The following PIK3R6 variants were observed in gnomAD, a reference collection of about 807,000 sequenced individuals.
The protein encoded by PIK3R6 is phosphoinositide 3-kinase regulatory subunit 6.
PIK3R6 carries 91 observed loss-of-function variants against 84.9 expected under a neutral mutation model. The ratio of observed to expected loss-of-function variants is 1.07; its 90% CI spans 0.90 to 1.28. The LOEUF (loss-of-function observed/expected upper bound fraction) is 1.28, where lower values mean the gene tolerates loss of function less well. PIK3R6 is among the 50% of genes most tolerant of loss of function. The pLI is 0.00. For synonymous variants in PIK3R6, 416 were observed against 411.4 expected, an observed-to-expected ratio of 1.01 and a Z score of -0.13; for missense variants, 996 against 985.1, an observed-to-expected ratio of 1.01 and a Z score of -0.15.
intron 11 of PIK3R6, 69 bp from the exon 12 acceptor site, chr17:8,828,259 A>T: frequency 1.3e-6 from 2 of 1,492,108 alleles, no homozygotes; most frequent in South Asian, 2.3e-5. Flanking sequence ...CGGCTCTGCT[A>T]TTTGTTATCT....
chr17:8,840,615 G>GTATATCCTCCAAATATATATGAAATATA (rs1404176764), intron 2 of PIK3R6, among the ~76,000 whole-genome samples: 10 of 145,678 alleles, frequency 6.9e-5, no homozygotes, highest in African/African-American at 2.3e-4. Context: ...TATATGAAAT[G>GTATATCCTCCAAATATATATGAAATATA]TATATCCTCC....
rs186154970 is a variant in PIK3R6, at chr17:8,864,124, C to A, written c.-92+3405G>T. On this transcript the variant is annotated intron_variant, in intron 1 of 19. Coordinates refer to ENST00000619866, the MANE Select transcript of PIK3R6 (RefSeq NM_001010855.4). ...CATCTTTTCAAATACGTTTGTATAG[C>A]AAACAGCCTTGGAAGATACTGTCCA... Among the ~76,000 whole-genome samples, 5 of 152,306 alleles carry A rather than the reference C, an allele frequency of 3.3e-5. No homozygotes were observed. The East Asian group carries it at 9.6e-4, about 29-fold the overall frequency.
In PIK3R6 at chr17:8,828,803, A is replaced by G; in HGVS notation, c.1077T>C (p.Pro359=). ...GCTGCAGCCCGGCTCGCTCCATCTC[A>G]GGGCTGCCGGGTGCAGGCAGCTCAT... ...GADELPAPGS[P]EMERAGLQRK... The change falls in exon 11 of 20, where the codon CCT becomes CCC. Residue 359 remains proline, a synonymous_variant. Transcript: ENST00000619866. 1 of 1,587,984 alleles carries G rather than the reference A, an allele frequency of 6.3e-7. No individual in the cohort carries two copies. Among genetic ancestry groups the G allele is most frequent in the Non-Finnish European group, 8.6e-7 (1 of 1,165,052 alleles).
chr17:8,822,816 G>T (rs1403193386), intron 15 of PIK3R6, among the ~76,000 whole-genome samples, 159 bp from the exon 16 acceptor site: 1 of 151,478 alleles, frequency 6.6e-6, no homozygotes. Context: ...ATGCCTTTCA[G>T]TCTTGTGGGG....
At chr17:8,856,182 A>T (rs71371874) in intron 1 of PIK3R6, among the ~76,000 whole-genome samples, 1 of 152,074 alleles carries the variant, frequency 6.6e-6, no homozygotes, top group African/African-American at 2.4e-5. Flanking sequence ...TTTTTTAGTC[A>T]AACTTTTAAT....
At chr17:8,832,375 C>CATTTTTT (rs2088270986) in intron 9 of PIK3R6, among the ~76,000 whole-genome samples, 1 of 77,796 alleles carries the variant, frequency 1.3e-5, no homozygotes, top group Admixed American at 1.8e-4. Flanking sequence ...TACCCACCTT[C>CATTTTTT]TTTTTTTTTT....
At chr17:8,814,924 GAGA>G (rs1329645374) in intron 18 of PIK3R6, among the ~76,000 whole-genome samples, 1 of 151,284 alleles carries the variant, frequency 6.6e-6, no homozygotes, top group African/African-American at 2.4e-5. Flanking sequence ...CAAAGAGAGA[GAGA>G]AAAGAAAAAA....
At chr17:8,863,778 C>T (rs2089337765) in intron 1 of PIK3R6, among the ~76,000 whole-genome samples, 1 of 152,202 alleles carries the variant, frequency 6.6e-6, no homozygotes, top group Non-Finnish European at 1.5e-5. Context: ...CGTGATCCAC[C>T]CGCCTCGGCC....
intron 18 of PIK3R6, among the ~76,000 whole-genome samples, chr17:8,812,361 A>G (rs1393762138): frequency 1.3e-5 from 2 of 152,254 alleles, no homozygotes; most frequent in Non-Finnish European, 2.9e-5. Flanking sequence ...CAGAAAATCA[A>G]CAAAGAAACT....
At chr17:8,865,128 G>A (rs1292273293) in intron 1 of PIK3R6, among the ~76,000 whole-genome samples, 1 of 152,152 alleles carries the variant, frequency 6.6e-6, no homozygotes, top group Non-Finnish European at 1.5e-5. Flanking sequence ...TGACCTCCTG[G>A]ATAGAGGAGA....
At chr17:8,866,838 G>A (rs544926908) in intron 1 of PIK3R6, among the ~76,000 whole-genome samples, 3 of 152,068 alleles carry the variant, frequency 2.0e-5, no homozygotes, top group Non-Finnish European at 4.4e-5. Context: ...TTGGTCACTC[G>A]CAGCTGTGTT....
intron 13 of PIK3R6, among the ~76,000 whole-genome samples, chr17:8,825,700 A>C (rs1018977386): frequency 1.3e-5 from 2 of 152,238 alleles, no homozygotes; most frequent in Non-Finnish European, 2.9e-5. Flanking sequence ...TTAACTGCAG[A>C]TAGACAATTA....
Position 8,842,524 on chromosome 17 carries a change from A to T in PIK3R6, c.14-2827T>A, listed in dbSNP as rs2088709741. Among the ~76,000 whole-genome samples the T allele has an allele frequency of 6.6e-6, 1 of 152,190 alleles. No individual in the cohort carries two copies. ...CTGTCACACAAGTGTTTCCCCAAAT[A>T]AATCCTTGAACTTGGTGTCTGCTTC... On this transcript the variant is annotated intron_variant, in intron 2 of 19. Transcript: ENST00000619866. The surrounding 1 kb of genome is among the most constrained non-coding windows in gnomAD (Gnocchi z 4.5).
chr17:8,824,153 C>G (rs1293948601), intron 13 of PIK3R6, among the ~76,000 whole-genome samples: 1 of 152,190 alleles, frequency 6.6e-6, no homozygotes, highest in Non-Finnish European at 1.5e-5. Flanking sequence ...CCTGTAATCC[C>G]AGCTACTCAG....
intron 1 of PIK3R6, among the ~76,000 whole-genome samples, chr17:8,865,362 A>G (rs1299867806): frequency 1.3e-5 from 2 of 152,134 alleles, no homozygotes; most frequent in Non-Finnish European, 2.9e-5. Flanking sequence ...GGCAGAAAAG[A>G]TGTGGAGCTT....
intron 13 of PIK3R6, among the ~76,000 whole-genome samples, chr17:8,826,734 T>A (rs750859344): frequency 1.3e-5 from 2 of 152,220 alleles, no homozygotes; most frequent in African/African-American, 2.4e-5. Flanking sequence ...CCATGGCACA[T>A]GTATACCTGT....
rs185336473 is a variant in PIK3R6, at chr17:8,829,418, A to T, written c.889+288T>A. Among the ~76,000 whole-genome samples the T allele has an allele frequency of 1.5e-3, 228 of 150,384 alleles. 4 individuals carry two copies. The East Asian group carries it at 0.038, about 25-fold the overall frequency. On this transcript the variant is annotated intron_variant, in intron 10 of 19. Coordinates refer to ENST00000619866, the MANE Select transcript of PIK3R6 (RefSeq NM_001010855.4). Reference sequence around the variant, plus strand: ...CGCATGCACACATACACACAGACACACTGACACACTCATGGATACACACAC... The same window carrying T: ...CGCATGCACACATACACACAGACACTCTGACACACTCATGGATACACACAC...
At chr17:8,856,601 C>CA (rs1206884822) in intron 1 of PIK3R6, among the ~76,000 whole-genome samples, 1 of 152,146 alleles carries the variant, frequency 6.6e-6, no homozygotes, top group African/African-American at 2.4e-5. Flanking sequence ...AACTCCATCT[C>CA]AAAAACAAAC....
At position 8,839,505 on chromosome 17, in the gene PIK3R6, C is replaced by T. The variant is rs2088602395; in HGVS notation, c.97+109G>A. The stretch of plus-strand genomic sequence containing the variant: ...AGGAAAGGGGTTTGGTGAGACGACC[C>T]TTGCCCCCTGAGCTCCAGGCCGGGG... On this transcript the variant is annotated intron_variant, in intron 3 of 19. Coordinates refer to ENST00000619866, the MANE Select transcript of PIK3R6 (RefSeq NM_001010855.4). The surrounding 1 kb of genome is among the most constrained non-coding windows in gnomAD (Gnocchi z 4.2). 1.1e-5 allele frequency: 9 copies of T among 839,732 alleles called. No individual in the cohort carries two copies. The allele number at this position is 839,732 out of a possible 1,614,324, so 52.0% of individuals were successfully genotyped here.
Sources: allele counts gnomAD v4.1 joint callset (sites outside exome capture counted in the v4.1 genomes callset), GRCh38; gene constraint gnomAD v4.1.1; non-coding constraint Gnocchi (gnomAD v3.1); transcripts MANE v1.5; gene names NCBI Gene and HGNC (gene_info 2026-07-23, HGNC 2026-07-21).